Variants in CENPU observed in about 807,000 individuals in gnomAD.
The protein encoded by CENPU is KSHV latent nuclear antigen interacting protein 1.
CENPU carries 46 observed loss-of-function variants against 56.7 expected under a neutral mutation model. The observed-to-expected ratio is 0.81, with a 90% CI of 0.64 to 1.04. The LOEUF is 1.04. Among genes scored for constraint, CENPU ranks in the 50% least tolerant of loss-of-function variants. The probability of loss-of-function intolerance (pLI) is 0.00; values close to 1 mark genes in which losing one functional copy is unlikely to be tolerated. For missense variants in CENPU, 510 were observed against 490.1 expected, an observed-to-expected ratio of 1.04 and a Z score of -0.38; for synonymous variants, 166 against 163.0, an observed-to-expected ratio of 1.02 and a Z score of -0.14.
chr4:184,733,423 T>C, intron 1 of CENPU: 1 of 993,232 alleles, frequency 1.0e-6, no homozygotes, highest in Non-Finnish European at 1.2e-6. Context: ...AGGCCGGGCC[T>C]TGGATGGCCA....
intron 3 of CENPU, among the ~76,000 whole-genome samples, chr4:184,728,673 C>A (rs6817521): frequency 7.2e-5 from 11 of 152,080 alleles, no homozygotes; most frequent in East Asian, 3.9e-4. Flanking sequence ...CTATAGTAAG[C>A]GTCCTCATGT....
chr4:184,724,288 C>A (rs1199094823), intron 4 of CENPU, among the ~76,000 whole-genome samples: 6 of 152,008 alleles, frequency 3.9e-5, no homozygotes, highest in Non-Finnish European at 7.4e-5. Context: ...AAACAAACAA[C>A]CAAACAAAAA....
chr4:184,712,307 G>C (rs1025471846), intron 7 of CENPU, among the ~76,000 whole-genome samples: 1 of 152,080 alleles, frequency 6.6e-6, no homozygotes, highest in Non-Finnish European at 1.5e-5. Flanking sequence ...AGTGAAAGAA[G>C]CCTTACACAA....
chr4:184,717,133 TA>T lies in CENPU; in HGVS notation c.381+2del. 6.2e-7 allele frequency: 1 copy of T among 1,603,818 alleles called. No individual in the cohort carries two copies. The highest frequency in any genetic ancestry group is 8.5e-7 in the Non-Finnish European group (1 of 1,172,544). The stretch of plus-strand genomic sequence containing the variant: ...AAGTAGAAGAGTGAATACTCCTACA[TA>T]CCTTTTTTGCACTAATTTTTACAGA... On this transcript the variant is annotated splice_donor_variant, in intron 5 of 12. Coordinates refer to ENST00000281453, the MANE Select transcript of CENPU (RefSeq NM_024629.4). LOFTEE classifies it high-confidence loss of function.
At position 184,730,917 on chromosome 4, in the gene CENPU, T is replaced by G; in HGVS notation, c.96+3A>C. The G allele has an allele frequency of 1.3e-6, 2 of 1,578,342 alleles. No individual in the cohort carries two copies. The highest frequency in any genetic ancestry group is 1.7e-6 in the Non-Finnish European group (2 of 1,169,674). ...AAAACCACAACACAAAAAGGTAACT[T>G]ACATCTTTCATGGAATGTGTTCTTT... On this transcript the variant is annotated splice_donor_region_variant and intron_variant, in intron 2 of 12. Coordinates refer to ENST00000281453, the MANE Select transcript of CENPU (RefSeq NM_024629.4).
chr4:184,709,161 C>A (rs757384586), intron 8 of CENPU, among the ~76,000 whole-genome samples: 1 of 151,882 alleles, frequency 6.6e-6, no homozygotes, highest in Admixed American at 6.6e-5. Flanking sequence ...AATTTAAGGT[C>A]GCAAAAAGGT....
intron 6 of CENPU, 21 bp downstream of exon 6, chr4:184,716,376 G>C (rs763120316): frequency 6.4e-7 from 1 of 1,564,774 alleles, no homozygotes; most frequent in Admixed American, 1.7e-5. Context: ...TGCCCTCCTA[G>C]GGGATGGCAG....
Position 184,712,981 on chromosome 4 carries a change from G to T in CENPU, c.651C>A (p.Asp217Glu). 1.9e-6 allele frequency: 3 copies of T among 1,590,702 alleles called. No homozygotes were observed. Among genetic ancestry groups the T allele is most frequent in the Admixed American group, 1.7e-5 (1 of 57,748 alleles). The change falls in exon 7 of 13, where the codon GAC becomes GAA. Residue 217 changes from aspartate to glutamate, a missense_variant. Transcript: ENST00000281453. ...KTQKKGKISH[D>E]KRKKSRSKAI... ...CTTTACTTCTTGATTTCTTCCTTTT[G>T]TCATGAGATATCTTCCCTTTTTTCT...
At chr4:184,733,464 G>C in intron 1 of CENPU, 6 of 982,048 alleles carry the variant, frequency 6.1e-6, no homozygotes, top group Non-Finnish European at 7.3e-6. Context: ...CAGCATTCTA[G>C]AGCGCGTTTT....
chr4:184,694,156 T>G lies in CENPU; in HGVS notation c.*1132A>C. The G allele has an allele frequency of 1.1e-6, 1 of 906,470 alleles. No individual in the cohort carries two copies. Among genetic ancestry groups the G allele is most frequent in the Non-Finnish European group, 1.3e-6 (1 of 750,634 alleles). 56.2% of individuals were successfully genotyped at this position (906,470 alleles called of 1,614,324 possible). On this transcript the variant is annotated 3_prime_UTR_variant, in exon 13 of 13. Transcript: ENST00000281453. ...GCTAAATACTTTAAAATTTAAAGCATGGGTACTAAGTCCATTGTCAAGATA... is the reference window on the plus strand; with the variant it reads ...GCTAAATACTTTAAAATTTAAAGCAGGGGTACTAAGTCCATTGTCAAGATA...
rs1760088302 is a variant in CENPU at position 184,694,565 on chromosome 4, A to G, written c.*723T>C. On this transcript the variant is annotated 3_prime_UTR_variant, in exon 13 of 13. Transcript: ENST00000281453. ...GATGAAGCAGATGAAACTAGGAGCA[A>G]TGAAACCCAGAATCCTCATAAACCA... 6.2e-6 allele frequency: 10 copies of G among 1,614,112 alleles called. No individual in the cohort carries two copies. The highest frequency in any genetic ancestry group is 8.5e-6 in the Non-Finnish European group (10 of 1,179,942).
intron 4 of CENPU, among the ~76,000 whole-genome samples, chr4:184,717,577 A>C (rs1294666717): frequency 1.3e-5 from 2 of 152,234 alleles, no homozygotes; most frequent in African/African-American, 2.4e-5. Context: ...AAGAGGAAAA[A>C]AATAGCCCTA....
At chr4:184,729,259 T>C (rs1761556536) in intron 2 of CENPU, among the ~76,000 whole-genome samples, 1 of 152,226 alleles carries the variant, frequency 6.6e-6, no homozygotes, top group East Asian at 1.9e-4. Flanking sequence ...ATGTTTCAGT[T>C]AAAATAAAAA....
Position 184,710,749 on chromosome 4 carries a change from T to C in CENPU, c.689-569A>G, listed in dbSNP as rs369040791. Among the ~76,000 whole-genome samples the C allele has an allele frequency of 2.7e-4, 41 of 152,304 alleles. No homozygotes were observed. In the East Asian group the frequency reaches 5.0e-3, roughly 19 times the overall value. On this transcript the variant is annotated intron_variant, in intron 7 of 12. Transcript: ENST00000281453. ...GAATAAAACAATGCTCTCCCTTTTA[T>C]TGAGACTCAAGCAAGAAAATATCTG...
At chr4:184,722,864 T>A (rs1761327418) in intron 4 of CENPU, among the ~76,000 whole-genome samples, 1 of 152,222 alleles carries the variant, frequency 6.6e-6, no homozygotes, top group South Asian at 2.1e-4. Context: ...TGCTGCTCAA[T>A]CATTCCTAAG....
At chr4:184,698,019 G>A (rs1462104415) in intron 11 of CENPU, 1 of 492,380 alleles carries the variant, frequency 2.0e-6, no homozygotes, top group Non-Finnish European at 3.6e-6. Flanking sequence ...ATAATTAGCA[G>A]TGATATCCAC....
At chr4:184,702,606 A>C in intron 8 of CENPU, 165 bp from the exon 9 acceptor site, 2 of 502,992 alleles carry the variant, frequency 4.0e-6, no homozygotes, top group South Asian at 4.9e-5. Flanking sequence ...GTTTTAGATT[A>C]AGGGGTTTGT....
intron 7 of CENPU, 144 bp from the exon 8 acceptor site, chr4:184,710,324 A>C (rs1017361259): frequency 3.8e-6 from 2 of 529,136 alleles, no homozygotes; most frequent in African/African-American, 3.9e-5. Flanking sequence ...TGCCGTACTC[A>C]CTTCTTATCC....
intron 2 of CENPU, among the ~76,000 whole-genome samples, chr4:184,729,642 G>A (rs563539622): frequency 6.6e-6 from 1 of 152,352 alleles, no homozygotes; most frequent in South Asian, 2.1e-4. Flanking sequence ...CCATGGGCCA[G>A]TTTGCCTAAA....
Sources: allele counts gnomAD v4.1 joint callset (sites outside exome capture counted in the v4.1 genomes callset), GRCh38; gene constraint gnomAD v4.1.1; transcripts MANE v1.5; gene names NCBI Gene and HGNC (gene_info 2026-07-23, HGNC 2026-07-21).